KYNU: variants seen among roughly 807,000 people sequenced by gnomAD.
KYNU encodes L-kynurenine hydrolase.
A neutral mutation model predicts 59.2 loss-of-function variants in KYNU; 54 were observed. The ratio of observed to expected loss-of-function variants is 0.91; its 90% confidence interval spans 0.73 to 1.14. The LOEUF is 1.14. Ranked by LOEUF, KYNU falls within the 50% of genes most tolerant of loss-of-function variation. The probability of loss-of-function intolerance (pLI) is 0.00; values close to 1 mark genes in which losing one functional copy is unlikely to be tolerated. For synonymous variants in KYNU, 177 were observed against 192.0 expected, an observed-to-expected ratio of 0.92 and a Z score of 0.65; for missense variants, 567 against 554.4, an observed-to-expected ratio of 1.02 and a Z score of -0.23.
rs1366333915 is a variant in KYNU, at chr2:143,047,913, T to C, written c.*5741T>C. On this transcript the variant is annotated 3_prime_UTR_variant, in exon 14 of 14. Transcript: ENST00000264170. ...TCTCTCTGTCACCCAGGCTGGAGTA[T>C]AGTGGCACGATCTCAGCTCACTGCG... 9.5e-6 allele frequency: 1 copy of C among 105,040 alleles called. No individual in the cohort carries two copies. Among genetic ancestry groups the C allele is most frequent in the Non-Finnish European group, 2.0e-5 (1 of 49,624 alleles). The allele number at this position is 105,040 out of a possible 1,614,324, so 6.5% of individuals were successfully genotyped here.
chr2:142,903,646 G>A (rs1309061495), intron 2 of KYNU, among the ~76,000 whole-genome samples: 3 of 152,056 alleles, frequency 2.0e-5, no homozygotes, highest in East Asian at 1.9e-4. Flanking sequence ...AAGCATACCC[G>A]GGGCTCTGTG....
At chr2:142,894,704 T>A (rs576551580) in intron 2 of KYNU, among the ~76,000 whole-genome samples, 2 of 152,306 alleles carry the variant, frequency 1.3e-5, no homozygotes, top group African/African-American at 4.8e-5. Flanking sequence ...AGAAAATAGG[T>A]TTAAAATGAA....
chr2:143,000,769 G>A (rs1055502282), intron 10 of KYNU, among the ~76,000 whole-genome samples: 5 of 152,124 alleles, frequency 3.3e-5, no homozygotes, highest in Non-Finnish European at 5.9e-5. Flanking sequence ...TTCAGCAGCT[G>A]GGCTTGTGGA....
chr2:143,031,598 T>C (rs893941148), intron 11 of KYNU, among the ~76,000 whole-genome samples: 8 of 151,982 alleles, frequency 5.3e-5, no homozygotes, highest in Non-Finnish European at 1.2e-4. Context: ...GTGGTATGCA[T>C]CTGTAGTCCC....
At chr2:142,981,315 G>A (rs1378018248) in intron 8 of KYNU, among the ~76,000 whole-genome samples, 2 of 152,060 alleles carry the variant, frequency 1.3e-5, no homozygotes, top group Non-Finnish European at 2.9e-5. Flanking sequence ...AAACAAATCT[G>A]TGAAAATCTG....
At chr2:142,995,333 A>C (rs553123655) in intron 10 of KYNU, among the ~76,000 whole-genome samples, 20 of 152,138 alleles carry the variant, frequency 1.3e-4, no homozygotes, top group Non-Finnish European at 2.6e-4. Flanking sequence ...GACATATTAG[A>C]ACAAGCCTCT....
chr2:142,905,224 T>A (rs570602129), intron 2 of KYNU, among the ~76,000 whole-genome samples: 1 of 144,764 alleles, frequency 6.9e-6, no homozygotes, highest in East Asian at 2.1e-4. Flanking sequence ...GGGATCCTGT[T>A]TATCTTATGT....
At chr2:143,033,823 C>A (rs1686823124) in intron 12 of KYNU, among the ~76,000 whole-genome samples, 1 of 151,976 alleles carries the variant, frequency 6.6e-6, no homozygotes, top group African/African-American at 2.4e-5. Flanking sequence ...GAAAGACTTA[C>A]TTGAAGGAAA....
chr2:143,028,263 T>TTTTGG (rs1686634831), intron 10 of KYNU, among the ~76,000 whole-genome samples: 1 of 145,164 alleles, frequency 6.9e-6, no homozygotes, highest in South Asian at 2.2e-4. Flanking sequence ...TTTTTTTTTT[T>TTTTGG]GAGATGGAGT....
intron 10 of KYNU, among the ~76,000 whole-genome samples, chr2:143,026,427 C>T (rs1449907581): frequency 6.6e-6 from 1 of 152,226 alleles, no homozygotes; most frequent in Non-Finnish European, 1.5e-5. Flanking sequence ...CTCATTTACT[C>T]AGCCCCGCTC....
intron 8 of KYNU, among the ~76,000 whole-genome samples, chr2:142,982,283 C>G (rs1165218370): frequency 6.6e-6 from 1 of 152,064 alleles, no homozygotes; most frequent in African/African-American, 2.4e-5. Context: ...GTTCTATCAC[C>G]TGCATTTAGC....
rs1687092582 is a variant in KYNU, at chr2:143,042,649, T to C, written c.*477T>C. 1 of 93,504 alleles carries C rather than the reference T, an allele frequency of 1.1e-5. No individual in the cohort carries two copies. The highest frequency in any genetic ancestry group is 4.3e-5 in the African/African-American group (1 of 23,274). 5.8% of individuals were successfully genotyped at this position (93,504 alleles called of 1,614,324 possible). A position where few individuals can be genotyped will look rare whatever the true frequency, so the allele number is the denominator to read the frequency against. ...ATATATATGTGTGTGTGTGTGTGTGTATATATATATATATATATCATATAT... is the reference window on the plus strand; with the variant it reads ...ATATATATGTGTGTGTGTGTGTGTGCATATATATATATATATATCATATAT... On this transcript the variant is annotated 3_prime_UTR_variant, in exon 14 of 14. Transcript: ENST00000264170.
At chr2:142,938,525 C>G (rs1464664220) in intron 4 of KYNU, among the ~76,000 whole-genome samples, 2 of 152,184 alleles carry the variant, frequency 1.3e-5, no homozygotes, top group Non-Finnish European at 2.9e-5. Flanking sequence ...AGTTTCTCTT[C>G]TTTGGCCAAA....
At chr2:142,931,093 T>C (rs1171717441) in intron 4 of KYNU, among the ~76,000 whole-genome samples, 1 of 152,212 alleles carries the variant, frequency 6.6e-6, no homozygotes, top group Non-Finnish European at 1.5e-5. Flanking sequence ...CCGGCCAGGG[T>C]AGCTGTCTTT....
rs1204515771 is a variant in KYNU, at chr2:142,885,547, T to C, written c.169+11T>C. ...AGGATCTGCCTCCAGGTAAGAATGC[T>C]GGGAAGGTTTTTAAATTTTATTTAT... On this transcript the variant is annotated intron_variant, in intron 2 of 13. Transcript: ENST00000264170. 80 of 1,608,154 alleles carry C rather than the reference T, an allele frequency of 5.0e-5. No homozygotes were observed. The East Asian group carries it at 1.7e-3, about 35-fold the overall frequency.
chr2:142,949,850 G>A (rs180905080), intron 4 of KYNU, among the ~76,000 whole-genome samples: 1 of 152,222 alleles, frequency 6.6e-6, no homozygotes, highest in African/African-American at 2.4e-5. Flanking sequence ...TCTTTTCATC[G>A]TGTTGTCAGG....
Position 142,960,612 on chromosome 2 carries a change from A to G in KYNU, c.583-12A>G. On this transcript the variant is annotated splice_polypyrimidine_tract_variant and intron_variant, in intron 7 of 13. Transcript: ENST00000264170. ...TATCGATATGACCTAACTTGTGCCT[A>G]ACTTGATTTAGGGGGAAGAAACCTT... 6.2e-7 allele frequency: 1 copy of G among 1,611,632 alleles called. No individual in the cohort carries two copies. The highest frequency in any genetic ancestry group is 1.1e-5 in the South Asian group (1 of 90,994).
chr2:143,024,282 A>G (rs1686491297), intron 10 of KYNU, among the ~76,000 whole-genome samples: 5 of 151,938 alleles, frequency 3.3e-5, no homozygotes, highest in Admixed American at 3.3e-4. Flanking sequence ...TTACACTTTC[A>G]CATATCATTT....
rs570783293 is a variant in KYNU, at chr2:143,017,757, A to C, written c.903-11870A>C. Among the ~76,000 whole-genome samples, 9 of 151,832 alleles carry C rather than the reference A, an allele frequency of 5.9e-5. No individual in the cohort carries two copies. The East Asian group carries it at 1.7e-3, about 29-fold the overall frequency. ...CCGGCCATTTTTTTAACCTTTTCATAGTAGCCATCCTGACTGGTGTGAGGT... is the reference window on the plus strand; with the variant it reads ...CCGGCCATTTTTTTAACCTTTTCATCGTAGCCATCCTGACTGGTGTGAGGT... On this transcript the variant is annotated intron_variant, in intron 10 of 13. Coordinates refer to ENST00000264170, the MANE Select transcript of KYNU (RefSeq NM_003937.3).
Sources: allele counts gnomAD v4.1 joint callset (sites outside exome capture counted in the v4.1 genomes callset), GRCh38; gene constraint gnomAD v4.1.1; transcripts MANE v1.5; gene names NCBI Gene and HGNC (gene_info 2026-07-23, HGNC 2026-07-21).